Variants in SPPL2A observed in about 807,000 individuals in gnomAD.
The protein encoded by SPPL2A is signal peptide peptidase like 2A.
A neutral mutation model predicts 63.8 loss-of-function variants in SPPL2A; 51 were observed. That is an observed-to-expected ratio of 0.80 (90% CI 0.64 to 1.01). The LOEUF is 1.01. Among genes scored for constraint, SPPL2A ranks in the 50% least tolerant of loss-of-function variants. The probability of loss-of-function intolerance (pLI) is 0.00; values close to 1 mark genes in which losing one functional copy is unlikely to be tolerated. For synonymous variants in SPPL2A, 188 were observed against 205.8 expected (o/e 0.91, Z 0.74); for missense variants, 553 against 622.7 (o/e 0.89, Z 1.19).
rs1357633725 is a variant in SPPL2A at position 50,739,605 on chromosome 15, G to C, written c.733+75C>G. 4 of 1,120,010 alleles carry C rather than the reference G, an allele frequency of 3.6e-6. No individual in the cohort carries two copies. In the East Asian group the frequency reaches 1.1e-4, roughly 31 times the overall value. The allele number at this position is 1,120,010 out of a possible 1,614,324, so 69.4% of individuals were successfully genotyped here. On this transcript the variant is annotated intron_variant, in intron 6 of 14. Coordinates refer to ENST00000261854, the MANE Select transcript of SPPL2A (RefSeq NM_032802.4). ...GTTTTCCAGGTAGAATGGCTTAAAGGAAAAGATAAATCTAGTAATAGTCAG... is the reference window on the plus strand; with the variant it reads ...GTTTTCCAGGTAGAATGGCTTAAAGCAAAAGATAAATCTAGTAATAGTCAG...
rs3896609 is a variant in SPPL2A at position 50,765,671 on chromosome 15, C to A, written c.-138G>T. ...GCGGGCGGCCGGGCTACGACTGGAC[C>A]GCCGCTGCTACAGCGGCCGCCACAG... On this transcript the variant is annotated 5_prime_UTR_variant, in exon 1 of 15. Coordinates refer to ENST00000261854, the MANE Select transcript of SPPL2A (RefSeq NM_032802.4). The A allele has an allele frequency of 0.18, 82,500 of 456,580 alleles. 8,986 individuals carry two copies. The highest frequency in any genetic ancestry group is 0.39 in the East Asian group (10,816 of 27,414). The allele number at this position is 456,580 out of a possible 1,614,324, so 28.3% of individuals were successfully genotyped here.
chr15:50,746,271 C>G (rs2062856453), intron 5 of SPPL2A, among the ~76,000 whole-genome samples: 1 of 151,454 alleles, frequency 6.6e-6, no homozygotes. Context: ...AACCCCATCT[C>G]TACTAAAAAT....
chr15:50,706,025 G>A lies in SPPL2A; in HGVS notation c.*1775C>T, dbSNP rs2062505200. 6.6e-6 allele frequency: 1 copy of A among 152,118 alleles called. No homozygotes were observed. The highest frequency in any genetic ancestry group is 1.9e-4 in the East Asian group (1 of 5,198). The allele number at this position is 152,118 out of a possible 1,614,324, so 9.4% of individuals were successfully genotyped here. A position where few individuals can be genotyped will look rare whatever the true frequency, so the allele number is the denominator to read the frequency against. ...ACATCTAAAATTTACCAAAGAATGG[G>A]GAAAAAACTTTTTTCAAGTTGGAAG... On this transcript the variant is annotated 3_prime_UTR_variant, in exon 15 of 15. Transcript: ENST00000261854.
At chr15:50,725,065 AC>A (rs1326726436) in intron 12 of SPPL2A, among the ~76,000 whole-genome samples, 155 bp downstream of exon 12, 4 of 152,132 alleles carry the variant, frequency 2.6e-5, no homozygotes, top group African/African-American at 9.7e-5. Flanking sequence ...TTTACCTTCT[AC>A]CCCTCAACAA....
rs57100103 is a variant in SPPL2A at position 50,757,089 on chromosome 15, C to CTTTTTTTTTTTTTTTTTTTTT, written c.67-7344_67-7343insAAAAAAAAAAAAAAAAAAAAA. ...GTTCCTCCCACATCCTAAATCCTTT[C>CTTTTTTTTTTTTTTTTTTTTT]TTTTTTTTTTTGAGACAGAGTCTCA... On this transcript the variant is annotated intron_variant, in intron 1 of 14. Coordinates refer to ENST00000261854, the MANE Select transcript of SPPL2A (RefSeq NM_032802.4). Among the ~76,000 whole-genome samples the CTTTTTTTTTTTTTTTTTTTTT allele has an allele frequency of 6.2e-5, 8 of 128,372 alleles. 1 individual carries two copies. The highest frequency in any genetic ancestry group is 6.1e-5 in the African/African-American group (2 of 32,654). The allele number at this position is 128,372 out of a possible 152,430, so 84.2% of individuals were successfully genotyped here.
intron 4 of SPPL2A, 80 bp from the exon 5 acceptor site, chr15:50,747,708 C>G: frequency 1.0e-6 from 1 of 982,794 alleles, no homozygotes; most frequent in Non-Finnish European, 1.6e-6. Flanking sequence ...CCACATTTCA[C>G]TCTGGAATGG....
intron 14 of SPPL2A, among the ~76,000 whole-genome samples, chr15:50,711,840 G>A (rs1228997753): frequency 6.6e-6 from 1 of 152,126 alleles, no homozygotes; most frequent in Non-Finnish European, 1.5e-5. Context: ...TATATTACCT[G>A]TTTTGTCTTT....
At chr15:50,723,477 G>GC (rs1555441699) in intron 12 of SPPL2A, among the ~76,000 whole-genome samples, 1 of 149,784 alleles carries the variant, frequency 6.7e-6, no homozygotes, top group Admixed American at 6.7e-5. Flanking sequence ...ATTCAGTTGG[G>GC]TTTTTTTTGT....
chr15:50,748,395 T>C (rs947059147), intron 3 of SPPL2A, among the ~76,000 whole-genome samples, 193 bp from the exon 4 acceptor site: 1 of 151,600 alleles, frequency 6.6e-6, no homozygotes, highest in African/African-American at 2.4e-5. Context: ...TGCTATAATA[T>C]ATATAGCATT....
rs2062492017 is a variant in SPPL2A at position 50,703,596 on chromosome 15, C to T, written c.*4204G>A. 1 of 151,496 alleles carries T rather than the reference C, an allele frequency of 6.6e-6. No homozygotes were observed. Among genetic ancestry groups the T allele is most frequent in the Non-Finnish European group, 1.5e-5 (1 of 67,886 alleles). The allele number at this position is 151,496 out of a possible 1,614,324, so 9.4% of individuals were successfully genotyped here. On this transcript the variant is annotated 3_prime_UTR_variant, in exon 15 of 15. Coordinates refer to ENST00000261854, the MANE Select transcript of SPPL2A (RefSeq NM_032802.4). Reference sequence around the variant, plus strand: ...CAGGCTGGTCTCAAACTCCTGACCTCATGATCCACCCGCCTTGGCCTCCCA... The same window carrying T: ...CAGGCTGGTCTCAAACTCCTGACCTTATGATCCACCCGCCTTGGCCTCCCA...
At chr15:50,746,109 C>A (rs2062855166) in intron 5 of SPPL2A, among the ~76,000 whole-genome samples, 1 of 150,942 alleles carries the variant, frequency 6.6e-6, no homozygotes, top group Non-Finnish European at 1.5e-5. Context: ...TTGAGAGATG[C>A]CTCAATTTAT....
At chr15:50,736,076 A>G (rs2062768901) in intron 8 of SPPL2A, 25 bp downstream of exon 8, 2 of 1,389,044 alleles carry the variant, frequency 1.4e-6, no homozygotes, top group Admixed American at 3.4e-5. Flanking sequence ...CTTAATCTAA[A>G]AGCAAATACA....
At chr15:50,726,258 A>G in intron 11 of SPPL2A, 63 bp downstream of exon 11, 1 of 1,564,506 alleles carries the variant, frequency 6.4e-7, no homozygotes, top group Non-Finnish European at 8.8e-7. Flanking sequence ...CAGGAAGGCA[A>G]ATTATTAACC....
At chr15:50,723,621 G>A (rs2062664554) in intron 12 of SPPL2A, among the ~76,000 whole-genome samples, 2 of 152,038 alleles carry the variant, frequency 1.3e-5, no homozygotes, top group Admixed American at 6.6e-5. Flanking sequence ...GATTATGGGC[G>A]TGTGCTAACA....
chr15:50,735,866 A>T (rs1456632229), intron 8 of SPPL2A, among the ~76,000 whole-genome samples: 3 of 152,160 alleles, frequency 2.0e-5, no homozygotes, highest in Non-Finnish European at 2.9e-5. Flanking sequence ...CGTGAAATTA[A>T]GTATATTTTT....
chr15:50,710,072 C>T (rs1052974930), intron 14 of SPPL2A, among the ~76,000 whole-genome samples: 1 of 151,996 alleles, frequency 6.6e-6, no homozygotes, highest in African/African-American at 2.4e-5. Flanking sequence ...ATATTTAGGC[C>T]CCTCTTCTTC....
chr15:50,705,122 C>G lies in SPPL2A; in HGVS notation c.*2678G>C, dbSNP rs2062498733. ...CTTGGGGAGTCTGAGGCGGGCAGAT[C>G]ATGAGGTCAGGAGCTCAAGACCAGC... On this transcript the variant is annotated 3_prime_UTR_variant, in exon 15 of 15. Coordinates refer to ENST00000261854, the MANE Select transcript of SPPL2A (RefSeq NM_032802.4). 6.6e-6 allele frequency: 1 copy of G among 152,156 alleles called. No homozygotes were observed. Among genetic ancestry groups the G allele is most frequent in the Non-Finnish European group, 1.5e-5 (1 of 68,030 alleles). The allele number at this position is 152,156 out of a possible 1,614,324, so 9.4% of individuals were successfully genotyped here.
intron 11 of SPPL2A, 42 bp downstream of exon 11, chr15:50,726,279 A>G (rs1288641994): frequency 1.3e-6 from 2 of 1,591,578 alleles, no homozygotes; most frequent in Non-Finnish European, 1.7e-6. Context: ...GGATACACAT[A>G]CATACACTGG....
At chr15:50,714,936 C>T (rs1213870947) in intron 14 of SPPL2A, among the ~76,000 whole-genome samples, 2 of 151,764 alleles carry the variant, frequency 1.3e-5, no homozygotes, top group Non-Finnish European at 2.9e-5. Context: ...GAGCAAATTC[C>T]GCCACCCCTC....
Sources: allele counts gnomAD v4.1 joint callset (sites outside exome capture counted in the v4.1 genomes callset), GRCh38; gene constraint gnomAD v4.1.1; transcripts MANE v1.5; gene names NCBI Gene and HGNC (gene_info 2026-07-23, HGNC 2026-07-21).